The following ARPC1B variants were observed in gnomAD, a reference collection of about 807,000 sequenced individuals.
The protein encoded by ARPC1B is actin-related protein 2/3 complex subunit 1B.
Under a neutral mutation model 46.0 loss-of-function variants are expected in ARPC1B, and 29 were observed. The ratio of observed to expected loss-of-function variants is 0.63; its 90% confidence interval spans 0.47 to 0.86. The LOEUF (loss-of-function observed/expected upper bound fraction) is 0.86. Ranked by LOEUF, ARPC1B falls within the 40% of genes least tolerant of loss-of-function variation. ARPC1B has a pLI of 0.00. For synonymous variants in ARPC1B, 201 were observed against 213.9 expected (o/e 0.94, Z 0.53); for missense variants, 469 against 529.4 (o/e 0.89, Z 1.12).
chr7:99,388,028 T>TC lies in ARPC1B; in HGVS notation c.170-5dup, dbSNP rs1484449176. 3 of 1,560,340 alleles carry TC rather than the reference T, an allele frequency of 1.9e-6. No homozygotes were observed. The highest frequency in any genetic ancestry group is 1.1e-5 in the South Asian group (1 of 89,546). The stretch of plus-strand genomic sequence containing the variant: ...TCATCAGCCTCCTGTGTTCCCTCCA[T>TC]CCCCCCACAGGCATCGACTGGGCCC... On this transcript the variant is annotated splice_polypyrimidine_tract_variant and intron_variant, in intron 3 of 9. Coordinates refer to ENST00000646101, the MANE Select transcript of ARPC1B (RefSeq NM_005720.4).
At chr7:99,375,518 A>G (rs1794009939) in intron 1 of ARPC1B, among the ~76,000 whole-genome samples, 2 of 152,080 alleles carry the variant, frequency 1.3e-5, no homozygotes, top group Admixed American at 1.3e-4. Flanking sequence ...CAGGCCGCCT[A>G]GGGCGGGGCG....
At chr7:99,378,807 T>C (rs10277149) in intron 1 of ARPC1B, among the ~76,000 whole-genome samples, 33,662 of 130,982 alleles carry the variant, frequency 0.26, 9,607 homozygotes, top group African/African-American at 0.76. Context: ...GATGGAGTCT[T>C]GCTCTGTCCT....
At chr7:99,379,068 C>T (rs955783690) in intron 1 of ARPC1B, among the ~76,000 whole-genome samples, 2 of 152,158 alleles carry the variant, frequency 1.3e-5, no homozygotes, top group African/African-American at 4.8e-5. Context: ...TGAGCCACCA[C>T]ACCTGGCCAG....
chr7:99,393,114 T>C (rs979747857), intron 8 of ARPC1B, among the ~76,000 whole-genome samples: 35 of 151,978 alleles, frequency 2.3e-4, no homozygotes, highest in African/African-American at 8.5e-4. Context: ...CTTGGCGCCG[T>C]ACTAAAACCG....
At position 99,394,127 on chromosome 7, in the gene ARPC1B, T is replaced by A. The variant is rs1006059949; in HGVS notation, c.1080+8T>A. On this transcript the variant is annotated splice_region_variant and intron_variant, in intron 9 of 9. Coordinates refer to ENST00000646101, the MANE Select transcript of ARPC1B (RefSeq NM_005720.4). ...AGTATCTGGGATGTGAAGGTGAGGCTTGCCCCTCCTGGCTTCCCGCCATGC... is the reference window on the plus strand; with the variant it reads ...AGTATCTGGGATGTGAAGGTGAGGCATGCCCCTCCTGGCTTCCCGCCATGC... The A allele has an allele frequency of 6.2e-7, 1 of 1,612,820 alleles. No homozygotes were observed. The highest frequency in any genetic ancestry group is 2.2e-5 in the East Asian group (1 of 44,880).
chr7:99,390,331 A>G (rs887296421), intron 5 of ARPC1B, among the ~76,000 whole-genome samples: 2 of 151,106 alleles, frequency 1.3e-5, no homozygotes, highest in African/African-American at 4.9e-5. Flanking sequence ...CTTGCTTCTC[A>G]GCCTCCCAAG....
At chr7:99,390,810 G>C in intron 5 of ARPC1B, 83 bp from the exon 6 acceptor site, 1 of 1,277,544 alleles carries the variant, frequency 7.8e-7, no homozygotes, top group East Asian at 2.3e-5. Flanking sequence ...CAATCCTCCC[G>C]CCTCAGCCTC....
Position 99,391,469 on chromosome 7 carries a change from G to A in ARPC1B, c.783+216G>A, listed in dbSNP as rs191602986. 2.0e-5 allele frequency among the ~76,000 whole-genome samples: 3 copies of A among 152,324 alleles called. No individual in the cohort carries two copies. In the East Asian group the frequency reaches 5.8e-4, roughly 29 times the overall value. ...CTTAACAGAGTAAAGATTTGGCCAG[G>A]TGCGGTGGCTCACACTTAAAATCCC... On this transcript the variant is annotated intron_variant, in intron 7 of 9. Transcript: ENST00000646101.
intron 3 of ARPC1B, 56 bp from the exon 4 acceptor site, chr7:99,387,983 C>A: frequency 8.1e-7 from 1 of 1,227,972 alleles, no homozygotes; most frequent in Non-Finnish European, 1.2e-6. Flanking sequence ...GGCCACCATA[C>A]AGCCACCTCT....
intron 1 of ARPC1B, among the ~76,000 whole-genome samples, chr7:99,380,402 T>C (rs1166647488): frequency 2.0e-5 from 3 of 152,142 alleles, no homozygotes; most frequent in African/African-American, 7.3e-5. Flanking sequence ...TCTTCCTGTC[T>C]CTCGCCCCCT....
rs201941754 is a variant in ARPC1B at position 99,388,066 on chromosome 7, G to A, written c.197G>A (p.Arg66His). The change falls in exon 4 of 10, where the codon CGT becomes CAT. Residue 66 changes from arginine (R) to histidine (H), a missense_variant. By Grantham distance (29) the Arg-to-His change is conservative (BLOSUM62 0). Transcript: ENST00000646101. Reference sequence around the variant, plus strand: ...ATCGACTGGGCCCCCGAGAGTAACCGTATTGTGACCTGCGGCACAGACCGC... The same window carrying A: ...ATCGACTGGGCCCCCGAGAGTAACCATATTGTGACCTGCGGCACAGACCGC... ...TGIDWAPESN[R>H]IVTCGTDRNA... is the part of the protein sequence containing the mutation. 7.4e-6 allele frequency: 12 copies of A among 1,611,176 alleles called. No individual in the cohort carries two copies. The highest frequency in any genetic ancestry group is 1.6e-4 in the Middle Eastern group (1 of 6,076).
chr7:99,377,180 G>T (rs1436935598), intron 1 of ARPC1B, among the ~76,000 whole-genome samples: 1 of 152,084 alleles, frequency 6.6e-6, no homozygotes, highest in Non-Finnish European at 1.5e-5. Flanking sequence ...TAAATGTTTA[G>T]TAGAGGTAGG....
chr7:99,385,416 C>A (rs554383226), intron 1 of ARPC1B, among the ~76,000 whole-genome samples: 1 of 152,200 alleles, frequency 6.6e-6, no homozygotes, highest in African/African-American at 2.4e-5. Context: ...GAGCATCTCC[C>A]CTGTAGTACC....
intron 1 of ARPC1B, among the ~76,000 whole-genome samples, chr7:99,380,837 C>T (rs1464140149): frequency 1.3e-5 from 2 of 152,184 alleles, no homozygotes; most frequent in Admixed American, 6.6e-5. Context: ...GTCTGGGCCT[C>T]CTGGGGCTGA....
chr7:99,394,769 T>A lies in ARPC1B; in HGVS notation c.*280T>A, dbSNP rs1014419515. On this transcript the variant is annotated 3_prime_UTR_variant, in exon 10 of 10. Coordinates refer to ENST00000646101, the MANE Select transcript of ARPC1B (RefSeq NM_005720.4). ...GCTTCAAAATGTGGAGGTAATAAAA[T>A]GCAACTGTGTAAAAAAAAAAAAAAA... is the stretch of plus-strand genomic sequence containing the variant. The A allele has an allele frequency of 4.3e-6, 5 of 1,162,064 alleles. No homozygotes were observed. The highest frequency in any genetic ancestry group is 2.1e-6 in the Non-Finnish European group (2 of 958,694). The allele number at this position is 1,162,064 out of a possible 1,614,324, so 72.0% of individuals were successfully genotyped here.
At chr7:99,381,473 A>T (rs1040782613) in intron 1 of ARPC1B, among the ~76,000 whole-genome samples, 1 of 152,092 alleles carries the variant, frequency 6.6e-6, no homozygotes, top group Non-Finnish European at 1.5e-5. Flanking sequence ...CTGAACACGC[A>T]TGTGTTTGTG....
chr7:99,388,177 G>A lies in ARPC1B; in HGVS notation c.308G>A (p.Arg103His), dbSNP rs11556758. Reference protein sequence around the residue: ...LRINRAARCVRWAPNENKFAV... With the variant: ...LRINRAARCVHWAPNENKFAV... ...ATCAACCGGGCTGCCCGCTGCGTGC[G>A]CTGGGCCCCCAACGAGAACAAGTTT... The change falls in exon 4 of 10, where the codon CGC (arginine) becomes CAC (histidine). Residue 103 changes from arginine to histidine, a missense_variant. Transcript: ENST00000646101. The A allele has an allele frequency of 2.5e-5, 41 of 1,614,130 alleles. No homozygotes were observed. Among genetic ancestry groups the A allele is most frequent in the Middle Eastern group, 3.3e-4 (2 of 6,084 alleles).
rs767189739 is a variant in ARPC1B, at chr7:99,390,984, TC to T, written c.594del (p.Ser199AlafsTer22). Reference protein sequence around the residue: ...KMPFGELMFESSSSCGWVHGV... With the variant: ...KMPFGELMFEXSSSCGWVHGV... ...GCCCTTTGGGGAACTGATGTTCGAA[TC>T]CAGCAGTAGCTGCGGCTGGGTACAT... On this transcript the variant is annotated frameshift_variant, in exon 6 of 10. Coordinates refer to ENST00000646101, the MANE Select transcript of ARPC1B (RefSeq NM_005720.4). LOFTEE classifies it high-confidence loss of function. The T allele has an allele frequency of 2.0e-5, 33 of 1,614,012 alleles. No individual in the cohort carries two copies. Among genetic ancestry groups the T allele is most frequent in the Non-Finnish European group, 2.5e-5 (30 of 1,180,010 alleles).
chr7:99,377,713 C>T (rs994763071), intron 1 of ARPC1B, among the ~76,000 whole-genome samples: 1 of 151,742 alleles, frequency 6.6e-6, no homozygotes, highest in African/African-American at 2.4e-5. Context: ...CAGCTAACTG[C>T]AACCTCTTCC....
Sources: allele counts gnomAD v4.1 joint callset (sites outside exome capture counted in the v4.1 genomes callset), GRCh38; gene constraint gnomAD v4.1.1; transcripts MANE v1.5; gene names NCBI Gene and HGNC (gene_info 2026-07-23, HGNC 2026-07-21).